Variants in LIPA observed in about 807,000 individuals in gnomAD.
LIPA encodes lysosomal acid lipase/cholesteryl ester hydrolase.
In LIPA, 26 loss-of-function variants were observed where a neutral mutation model predicts 40.6. The observed-to-expected ratio is 0.64, with a 90% CI of 0.47 to 0.89. The LOEUF is 0.89. LIPA is among the 40% of genes least tolerant of loss of function. The probability of loss-of-function intolerance (pLI) is 0.00; values close to 1 mark genes in which losing one functional copy is unlikely to be tolerated. For missense variants in LIPA, 455 were observed against 479.6 expected, an observed-to-expected ratio of 0.95 and a Z score of 0.48; for synonymous variants, 188 against 168.4, an observed-to-expected ratio of 1.12 and a Z score of -0.90.
intron 2 of LIPA, among the ~76,000 whole-genome samples, chr10:89,382,671 G>T (rs1351050608): frequency 1.3e-5 from 2 of 152,206 alleles, no homozygotes; most frequent in Non-Finnish European, 2.9e-5. Context: ...CTCTTCTTCT[G>T]TCCCCATCAG....
intron 8 of LIPA, among the ~76,000 whole-genome samples, chr10:89,220,705 C>A (rs1385695600): frequency 6.6e-6 from 1 of 152,140 alleles, no homozygotes; most frequent in Non-Finnish European, 1.5e-5. Context: ...TCAGGCCAGG[C>A]TCTTCCTAGT....
At chr10:89,264,662 T>A (rs956197277) in intron 1 of LIPA, among the ~76,000 whole-genome samples, 1 of 152,226 alleles carries the variant, frequency 6.6e-6, no homozygotes, top group Non-Finnish European at 1.5e-5. Context: ...TCTGTCCCAG[T>A]CTGGCTGAGT....
intron 2 of LIPA, chr10:89,384,482 A>G (rs372856637): frequency 1.2e-6 from 2 of 1,614,234 alleles, no homozygotes; most frequent in Admixed American, 1.7e-5. Flanking sequence ...TTCCAAGAAC[A>G]TCATGGGAAA....
intron 2 of LIPA, among the ~76,000 whole-genome samples, chr10:89,361,343 C>G (rs1282580772): frequency 6.6e-6 from 1 of 152,096 alleles, no homozygotes; most frequent in African/African-American, 2.4e-5. Flanking sequence ...AGTCACTTTG[C>G]CCACCGTCTT....
chr10:89,234,007 C>T (rs775805070), intron 3 of LIPA, among the ~76,000 whole-genome samples: 3 of 152,232 alleles, frequency 2.0e-5, no homozygotes, highest in Admixed American at 6.5e-5. Context: ...GTCAGACACA[C>T]GATGACTGTC....
chr10:89,304,703 A>G (rs1263424812), intron 1 of LIPA, among the ~76,000 whole-genome samples: 1 of 152,244 alleles, frequency 6.6e-6, no homozygotes, highest in Non-Finnish European at 1.5e-5. Flanking sequence ...TCTCCAAAGT[A>G]ATTCGAAATA....
intron 1 of LIPA, among the ~76,000 whole-genome samples, chr10:89,313,785 A>C (rs1443704676): frequency 6.6e-6 from 1 of 152,266 alleles, no homozygotes; most frequent in East Asian, 1.9e-4. Context: ...AGGCAATTTA[A>C]AAAGTCACAT....
At chr10:89,218,796 C>T (rs1423974946) in intron 8 of LIPA, among the ~76,000 whole-genome samples, 1 of 152,122 alleles carries the variant, frequency 6.6e-6, no homozygotes, top group African/African-American at 2.4e-5. Context: ...TCAGTCTGGG[C>T]CACCTCTCTC....
chr10:89,272,620 G>A (rs2133493455), intron 1 of LIPA, among the ~76,000 whole-genome samples: 1 of 152,288 alleles, frequency 6.6e-6, no homozygotes, highest in South Asian at 2.1e-4. Flanking sequence ...CCGGTAATGG[G>A]ATTGTTGGGT....
At chr10:89,260,443 C>CACCT (rs1843201644) in intron 1 of LIPA, among the ~76,000 whole-genome samples, 1 of 152,216 alleles carries the variant, frequency 6.6e-6, no homozygotes, top group African/African-American at 2.4e-5. Context: ...AGGCCCAACT[C>CACCT]ACCTGGCTTA....
chr10:89,215,703 A>G (rs927128128), intron 9 of LIPA, among the ~76,000 whole-genome samples: 4 of 152,264 alleles, frequency 2.6e-5, no homozygotes, highest in Non-Finnish European at 5.9e-5. Context: ...TGAGTAATGC[A>G]TAACAGTGAT....
intron 1 of LIPA, among the ~76,000 whole-genome samples, chr10:89,326,832 T>C (rs974506354): frequency 2.0e-5 from 3 of 152,316 alleles, no homozygotes; most frequent in Non-Finnish European, 4.4e-5. Flanking sequence ...CTGTAAAACA[T>C]TTGAAGAGAT....
intron 1 of LIPA, among the ~76,000 whole-genome samples, chr10:89,248,065 C>A (rs969363254): frequency 1.3e-5 from 2 of 151,788 alleles, no homozygotes; most frequent in African/African-American, 4.8e-5. Context: ...TGGGCTTTCA[C>A]CATATTGGCT....
intron 2 of LIPA, among the ~76,000 whole-genome samples, chr10:89,408,581 G>A (rs906379138): frequency 1.3e-5 from 2 of 152,156 alleles, no homozygotes; most frequent in African/African-American, 4.8e-5. Flanking sequence ...TGTAGGGGGA[G>A]GGGAATTTGG....
At chr10:89,295,014 A>G (rs151131056) in intron 1 of LIPA, among the ~76,000 whole-genome samples, 3 of 134,204 alleles carry the variant, frequency 2.2e-5, no homozygotes, top group African/African-American at 8.4e-5. Context: ...AGGAAAGGAA[A>G]TGAAATGAAA....
intron 2 of LIPA, among the ~76,000 whole-genome samples, chr10:89,353,907 C>CTCTA (rs1843973856): frequency 6.6e-6 from 1 of 152,100 alleles, no homozygotes; most frequent in African/African-American, 2.4e-5. Context: ...CGCCACTGCA[C>CTCTA]TCTAGCCTGG....
chr10:89,240,248 T>C (rs1290184783), intron 3 of LIPA, among the ~76,000 whole-genome samples: 1 of 152,184 alleles, frequency 6.6e-6, no homozygotes, highest in African/African-American at 2.4e-5. Flanking sequence ...GAGGGCTTAA[T>C]CCTGAAGAAG....
chr10:89,347,206 G>A (rs903937903), upstream of LIPA, among the ~76,000 whole-genome samples: 3 of 152,184 alleles, frequency 2.0e-5, no homozygotes, highest in Non-Finnish European at 4.4e-5. Flanking sequence ...TTCCAAGAGG[G>A]CCGGTAGAGT....
At position 89,267,729 on chromosome 10, in the gene LIPA, T is replaced by TAAA. The variant is rs56037485; in HGVS notation, c.-1-20083_-1-20081dup. 7.3e-3 allele frequency among the ~76,000 whole-genome samples: 894 copies of TAAA among 121,676 alleles called. 7 individuals carry two copies. Among genetic ancestry groups the TAAA allele is most frequent in the East Asian group, 0.072 (329 of 4,546 alleles). 79.8% of individuals were successfully genotyped at this position (121,676 alleles called of 152,430 possible). ...ATGTACCCTAAAACTTAAAGTATAATAAAAAAAAAAAAAGAAACTTAAAAA... is the reference window on the plus strand; with the variant it reads ...ATGTACCCTAAAACTTAAAGTATAATAAAAAAAAAAAAAAAAGAAACTTAAAAA... On this transcript the variant is annotated intron_variant, in intron 1 of 5. Coordinates refer to the LIPA transcript ENST00000282673.
Sources: gnomAD v4.1 joint callset for allele counts (sites outside exome capture counted in the v4.1 genomes callset) on GRCh38, gnomAD v4.1.1 for gene constraint, MANE v1.5 for transcripts, NCBI Gene and HGNC (gene_info 2026-07-23, HGNC 2026-07-21) for gene names.